Variants in MSN observed in about 807,000 individuals in gnomAD.
The protein encoded by MSN is moesin.
A neutral mutation model predicts 48.0 loss-of-function variants in MSN; 2 were observed. That is an observed-to-expected ratio of 0.04 (90% CI 0.02 to 0.13). MSN has a LOEUF of 0.13. Among genes scored for constraint, MSN ranks in the 10% least tolerant of loss-of-function variants. The pLI, the probability that MSN is intolerant of heterozygous loss-of-function variation, is 1.00. For missense variants in MSN, 267 were observed against 470.1 expected (o/e 0.57, Z 3.99); for synonymous variants, 146 against 166.9 (o/e 0.87, Z 0.97).
chrX:65,725,323 A>G (rs1445099253), intron 2 of MSN, among the ~76,000 whole-genome samples: 1 of 111,474 alleles, frequency 9.0e-6, no homozygotes, highest in Non-Finnish European at 1.9e-5. Context: ...CTTCTGTTCC[A>G]AGTCTGTTCT....
chrX:65,656,060 C>A, intron 1 of MSN, among the ~76,000 whole-genome samples: 1 of 112,388 alleles, frequency 8.9e-6, no homozygotes, highest in Non-Finnish European at 1.9e-5. Flanking sequence ...AGCCACCATG[C>A]CTGGCTGATA....
intron 1 of MSN, among the ~76,000 whole-genome samples, chrX:65,637,295 G>T (rs187499655): frequency 9.2e-4 from 99 of 108,074 alleles, no homozygotes; most frequent in African/African-American, 3.2e-3. Flanking sequence ...CCAGCTACTC[G>T]GGAGGCCGAG....
chrX:65,684,757 G>A (rs2071095648), intron 1 of MSN, among the ~76,000 whole-genome samples: 1 of 111,518 alleles, frequency 9.0e-6, no homozygotes, highest in South Asian at 3.7e-4. Context: ...TTTTTATATA[G>A]AGACAGCGTC....
chrX:65,591,160 A>G (rs944634158), intron 1 of MSN, among the ~76,000 whole-genome samples: 6 of 111,512 alleles, frequency 5.4e-5, no homozygotes, highest in Middle Eastern at 4.6e-3. Context: ...CATACACTCC[A>G]TTCTTCCTGG....
chrX:65,710,894 A>T (rs866942344), intron 1 of MSN, among the ~76,000 whole-genome samples: 22 of 76,155 alleles, frequency 2.9e-4, no homozygotes, highest in African/African-American at 1.6e-3. Flanking sequence ...TATTATTATT[A>T]TTTTTTTGAG....
chrX:65,716,758 C>T, intron 1 of MSN, 60 bp from the exon 2 acceptor site: 1 of 1,048,698 alleles, frequency 9.5e-7, no homozygotes, highest in Non-Finnish European at 1.3e-6. Context: ...AGACACTTGT[C>T]TCAGGCTCTG....
At chrX:65,600,282 C>T (rs1024396907) in intron 1 of MSN, among the ~76,000 whole-genome samples, 1 of 111,054 alleles carries the variant, frequency 9.0e-6, no homozygotes, top group African/African-American at 3.3e-5. Flanking sequence ...TCCCAATGTT[C>T]GTGAGCAACC....
Position 65,637,351 on chromosome X carries a change from G to A in MSN, c.-22+48739G>A, listed in dbSNP as rs1235338690. On this transcript the variant is annotated intron_variant, in intron 1 of 3. Coordinates refer to the MSN transcript ENST00000609672. ...CAGGAAGTGGAGGTTGCGGTGAGCCGAGATCATGCCATCGCACTCCAGCCT... is the reference window on the plus strand; with the variant it reads ...CAGGAAGTGGAGGTTGCGGTGAGCCAAGATCATGCCATCGCACTCCAGCCT... Among the ~76,000 whole-genome samples the A allele has an allele frequency of 2.8e-5, 3 of 106,449 alleles. No individual in the cohort carries two copies. The East Asian group carries it at 8.7e-4, about 31-fold the overall frequency. 92.4% of individuals were successfully genotyped at this position (106,449 alleles called of 115,157 possible). A position where few individuals can be genotyped will look rare whatever the true frequency, so the allele number is the denominator to read the frequency against.
chrX:65,590,964 AG>A (rs1218090629), intron 1 of MSN, among the ~76,000 whole-genome samples: 5 of 111,239 alleles, frequency 4.5e-5, no homozygotes, highest in Non-Finnish European at 7.5e-5. Flanking sequence ...CTTCCTGTGT[AG>A]CCCTCTCAAT....
chrX:65,672,931 G>A (rs920934938), intron 1 of MSN, among the ~76,000 whole-genome samples: 3 of 111,755 alleles, frequency 2.7e-5, no homozygotes, highest in Non-Finnish European at 3.8e-5. Flanking sequence ...AAATTGAACA[G>A]CGCTTATTAA....
chrX:65,677,443 A>G (rs2071011306), intron 1 of MSN, among the ~76,000 whole-genome samples: 1 of 112,325 alleles, frequency 8.9e-6, no homozygotes, highest in East Asian at 2.8e-4. Flanking sequence ...TCCAACATGA[A>G]AATATCAGCA....
rs762618639 is a variant in MSN at position 65,739,785 on chromosome X, C to T, written c.1626C>T (p.Asp542=). 1.2e-5 allele frequency: 15 copies of T among 1,211,501 alleles called. No individual in the cohort carries two copies. Among genetic ancestry groups the T allele is most frequent in the South Asian group, 1.8e-5 (1 of 56,922 alleles). ...ATGAGTCCAAGAAGACTGCCAATGA[C>T]ATGATCCATGCTGAGAACATGCGAC... ...ARDESKKTAN[D]MIHAENMRLG... Residue 542 remains aspartate, a synonymous_variant, in exon 13 of 13, where the codon GAC becomes GAT. Transcript: ENST00000360270.
intron 1 of MSN, among the ~76,000 whole-genome samples, chrX:65,712,875 C>T (rs2071427766): frequency 9.0e-6 from 1 of 111,139 alleles, no homozygotes; most frequent in South Asian, 3.8e-4. Context: ...GACTTTTGTA[C>T]TCTGTAAGAG....
chrX:65,703,243 A>T (rs1196589030), intron 1 of MSN, among the ~76,000 whole-genome samples: 1 of 111,209 alleles, frequency 9.0e-6, no homozygotes, highest in Admixed American at 9.6e-5. Flanking sequence ...TATTATTATT[A>T]TTATTTTTAT....
At chrX:65,702,008 T>C (rs1223925917) in intron 1 of MSN, among the ~76,000 whole-genome samples, 2 of 91,061 alleles carry the variant, frequency 2.2e-5, no homozygotes, top group Non-Finnish European at 4.3e-5. Context: ...TTCAATTGGC[T>C]TTTTTTTTTT....
chrX:65,600,733 C>T (rs2070228614), intron 1 of MSN: 1 of 111,971 alleles, frequency 8.9e-6, no homozygotes, highest in Admixed American at 9.5e-5. Context: ...ATTAAGAACT[C>T]TCTGCTGCCT....
intron 1 of MSN, among the ~76,000 whole-genome samples, chrX:65,680,370 T>A (rs995137356): frequency 8.9e-6 from 1 of 111,779 alleles, no homozygotes; most frequent in Non-Finnish European, 1.9e-5. Flanking sequence ...ACTTAACACA[T>A]CACTAAAAAC....
intron 2 of MSN, among the ~76,000 whole-genome samples, chrX:65,726,081 G>A (rs1308282777): frequency 9.0e-6 from 1 of 111,564 alleles, no homozygotes; most frequent in African/African-American, 3.3e-5. Flanking sequence ...GACCTGGTGA[G>A]CAATGAAGGT....
At chrX:65,655,615 C>T (rs1321128067) in intron 1 of MSN, among the ~76,000 whole-genome samples, 3 of 112,687 alleles carry the variant, frequency 2.7e-5, no homozygotes, top group Non-Finnish European at 5.6e-5. Context: ...TCGTGTCCCA[C>T]TGTGGCTTTC....
Sources: gnomAD v4.1 joint callset for allele counts (sites outside exome capture counted in the v4.1 genomes callset) on GRCh38, gnomAD v4.1.1 for gene constraint, MANE v1.5 for transcripts, NCBI Gene and HGNC (gene_info 2026-07-23, HGNC 2026-07-21) for gene names.